Variants in ITGA11 observed in about 807,000 individuals in gnomAD.
The protein encoded by ITGA11 is integrin alpha-11.
Under a neutral mutation model 141.9 loss-of-function variants are expected in ITGA11, and 97 were observed. That is an observed-to-expected ratio of 0.68 (90% CI 0.58 to 0.81). ITGA11 has a LOEUF of 0.81. Ranked by LOEUF, ITGA11 falls within the 30% of genes least tolerant of loss-of-function variation. ITGA11 has a pLI of 0.00. For missense variants in ITGA11, 1,387 were observed against 1,559.2 expected (o/e 0.89, Z 1.86); for synonymous variants, 658 against 624.6 (o/e 1.05, Z -0.80).
At chr15:68,348,700 A>G in intron 10 of ITGA11, 130 bp downstream of exon 10, 1 of 754,424 alleles carries the variant, frequency 1.3e-6, no homozygotes, top group Non-Finnish European at 2.2e-6. Flanking sequence ...GACCCCAAGA[A>G]AGAGAGAAAG....
rs535942434 is a variant in ITGA11 at position 68,409,375 on chromosome 15, C to T, written c.53-6346G>A. On this transcript the variant is annotated intron_variant, in intron 1 of 29. Transcript: ENST00000315757. Reference sequence around the variant, plus strand: ...GCCCAAAAGTTGCAGATAGACTTGCCTACCGGATTTCTCACCTTCTGAGAA... The same window carrying T: ...GCCCAAAAGTTGCAGATAGACTTGCTTACCGGATTTCTCACCTTCTGAGAA... Among the ~76,000 whole-genome samples the T allele has an allele frequency of 5.9e-5, 9 of 152,206 alleles. No individual in the cohort carries two copies. In the South Asian group the frequency reaches 1.5e-3, roughly 25 times the overall value.
At chr15:68,339,402 A>G (rs2125998) in intron 11 of ITGA11, 98 bp downstream of exon 11, 1,253,643 of 1,362,484 alleles carry the variant, frequency 0.92, 578,447 homozygotes, top group South Asian at 0.95. Flanking sequence ...GAATATACAC[A>G]GCAGGCCCCT....
rs1457446676 is a variant in ITGA11 at position 68,301,716 on chromosome 15, A to G, written c.*1343T>C. On this transcript the variant is annotated 3_prime_UTR_variant, in exon 30 of 30. Coordinates refer to ENST00000315757, the MANE Select transcript of ITGA11 (RefSeq NM_001004439.2). The surrounding 1 kb of genome is among the most constrained non-coding windows in gnomAD (Gnocchi z 4.4). ...TGTCAGTGCTTGGTTGTTTTTAAACACTGTATTTTTAATTTTTCAAAAATA... is the reference window on the plus strand; with the variant it reads ...TGTCAGTGCTTGGTTGTTTTTAAACGCTGTATTTTTAATTTTTCAAAAATA... 1 of 152,606 alleles carries G rather than the reference A, an allele frequency of 6.6e-6. No individual in the cohort carries two copies. The highest frequency in any genetic ancestry group is 2.4e-5 in the African/African-American group (1 of 41,450). 9.5% of individuals were successfully genotyped at this position (152,606 alleles called of 1,614,324 possible).
chr15:68,317,604 G>A (rs1240845509), intron 20 of ITGA11, among the ~76,000 whole-genome samples: 1 of 148,854 alleles, frequency 6.7e-6, no homozygotes, highest in African/African-American at 2.4e-5. Flanking sequence ...CAGAGGCGGT[G>A]GGGAGGATGG....
chr15:68,313,712 C>T, intron 23 of ITGA11, 67 bp downstream of exon 23: 1 of 1,253,810 alleles, frequency 8.0e-7, no homozygotes, highest in Non-Finnish European at 1.1e-6. Flanking sequence ...AGGATGCCCC[C>T]CCTTAGGCCT....
At chr15:68,346,343 T>C (rs1251459506) in intron 10 of ITGA11, among the ~76,000 whole-genome samples, 1 of 152,176 alleles carries the variant, frequency 6.6e-6, no homozygotes, top group Non-Finnish European at 1.5e-5. Context: ...TGGAGCCATT[T>C]TCAAGGCTCA....
At chr15:68,419,188 G>T (rs550898116) in intron 1 of ITGA11, among the ~76,000 whole-genome samples, 6 of 152,178 alleles carry the variant, frequency 3.9e-5, no homozygotes, top group Non-Finnish European at 8.8e-5. Flanking sequence ...TTGGGGAGTG[G>T]AAGTGTTTTT....
intron 1 of ITGA11, among the ~76,000 whole-genome samples, chr15:68,403,989 T>C (rs1330071360): frequency 6.6e-6 from 1 of 152,158 alleles, no homozygotes; most frequent in Non-Finnish European, 1.5e-5. Flanking sequence ...ATGGAAGACC[T>C]GTCCTTCCCC....
intron 12 of ITGA11, 122 bp from the exon 13 acceptor site, chr15:68,332,600 A>G (rs1894213067): frequency 1.8e-6 from 2 of 1,113,920 alleles, no homozygotes; most frequent in Non-Finnish European, 2.5e-6. Context: ...TGGTGAACAA[A>G]TGGATCCTCC....
chr15:68,344,177 G>A (rs1241491122), intron 10 of ITGA11, among the ~76,000 whole-genome samples: 2 of 152,112 alleles, frequency 1.3e-5, no homozygotes, highest in Non-Finnish European at 2.9e-5. Flanking sequence ...TGGGACCAGC[G>A]TGGCAGAGGA....
chr15:68,343,601 G>T (rs1440581836), intron 10 of ITGA11, among the ~76,000 whole-genome samples: 1 of 152,098 alleles, frequency 6.6e-6, no homozygotes, highest in East Asian at 1.9e-4. Context: ...GAGCCAGGTG[G>T]AGGTAGTCGC....
Position 68,306,203 on chromosome 15 carries a change from A to G in ITGA11, c.3381+1145T>C, listed in dbSNP as rs1166655196. On this transcript the variant is annotated intron_variant, in intron 28 of 29. Transcript: ENST00000315757. ...AGACTCCGTCTCAAAAAAAAAAAAAAGGGAGTGAGGCATCCAGAGAGTATA... is the reference window on the plus strand; with the variant it reads ...AGACTCCGTCTCAAAAAAAAAAAAAGGGGAGTGAGGCATCCAGAGAGTATA... Among the ~76,000 whole-genome samples, 33 of 147,942 alleles carry G rather than the reference A, an allele frequency of 2.2e-4. No individual in the cohort carries two copies. In the East Asian group the frequency reaches 6.2e-3, roughly 28 times the overall value.
In ITGA11 at chr15:68,312,866, GCGGAGA is replaced by G; in HGVS notation, c.2883-9_2883-4del. The G allele has an allele frequency of 6.2e-7, 1 of 1,609,348 alleles. No individual in the cohort carries two copies. Among genetic ancestry groups the G allele is most frequent in the Non-Finnish European group, 8.5e-7 (1 of 1,176,016 alleles). On this transcript the variant is annotated splice_polypyrimidine_tract_variant and splice_region_variant and intron_variant, in intron 23 of 29. Coordinates refer to ENST00000315757, the MANE Select transcript of ITGA11 (RefSeq NM_001004439.2). ...CGTAGTGGCTCAGGCTGCTGCTCCT[GCGGAGA>G]CAGAGGACAGGGCTGTCGTGAGCTC...
chr15:68,359,519 AC>A (rs778487070), intron 5 of ITGA11, among the ~76,000 whole-genome samples: 10 of 152,076 alleles, frequency 6.6e-5, no homozygotes, highest in Non-Finnish European at 1.3e-4. Flanking sequence ...CGTGATGCAC[AC>A]CTGTAATCCC....
At chr15:68,312,173 T>C (rs1893410371) in intron 24 of ITGA11, among the ~76,000 whole-genome samples, 1 of 152,232 alleles carries the variant, frequency 6.6e-6, no homozygotes, top group African/African-American at 2.4e-5. Context: ...CCACTTTCCT[T>C]AGTGGCAGAA....
At position 68,335,617 on chromosome 15, in the gene ITGA11, T is replaced by C. The variant is rs1894323071; in HGVS notation, c.1425+80A>G. 1 of 1,490,506 alleles carries C rather than the reference T, an allele frequency of 6.7e-7. No homozygotes were observed. The highest frequency in any genetic ancestry group is 9.2e-7 in the Non-Finnish European group (1 of 1,087,934). The allele number at this position is 1,490,506 out of a possible 1,614,324, so 92.3% of individuals were successfully genotyped here. On this transcript the variant is annotated intron_variant, in intron 12 of 29. Coordinates refer to ENST00000315757, the MANE Select transcript of ITGA11 (RefSeq NM_001004439.2). This position sits in a 1 kb window ranked among gnomAD's most constrained non-coding sequence, Gnocchi z 4.9. Reference sequence around the variant, plus strand: ...TTTGGGGCACCCAGTGGTCCAGGCATGCCTGTATTTACTGCCCTCCCATTT... The same window carrying C: ...TTTGGGGCACCCAGTGGTCCAGGCACGCCTGTATTTACTGCCCTCCCATTT...
intron 28 of ITGA11, among the ~76,000 whole-genome samples, chr15:68,307,000 C>T (rs1444375737): frequency 6.6e-6 from 1 of 152,252 alleles, no homozygotes; most frequent in Admixed American, 6.5e-5. Context: ...CGTTGGGTCT[C>T]ACAGAGTCTC....
intron 1 of ITGA11, among the ~76,000 whole-genome samples, chr15:68,431,516 C>G (rs776964775): frequency 2.6e-5 from 4 of 152,192 alleles, no homozygotes; most frequent in Non-Finnish European, 5.9e-5. Context: ...GCCCTCACCC[C>G]CACCCTTCAG....
At chr15:68,350,563 T>C in intron 9 of ITGA11, 54 bp downstream of exon 9, 1 of 1,539,940 alleles carries the variant, frequency 6.5e-7, no homozygotes, top group South Asian at 1.2e-5. Flanking sequence ...CTACGGGGTT[T>C]ACCTGACATA....
Sources: allele counts gnomAD v4.1 joint callset (sites outside exome capture counted in the v4.1 genomes callset), GRCh38; gene constraint gnomAD v4.1.1; non-coding constraint Gnocchi (gnomAD v3.1); transcripts MANE v1.5; gene names NCBI Gene and HGNC (gene_info 2026-07-23, HGNC 2026-07-21).